Variants in PPP4R1 observed in about 807,000 individuals in gnomAD.
PPP4R1 encodes serine/threonine-protein phosphatase 4 regulatory subunit 1.
In PPP4R1, 42 loss-of-function variants were observed where a neutral mutation model predicts 111.2. The observed-to-expected ratio is 0.38, with a 90% CI of 0.29 to 0.49. The LOEUF is 0.49. Among genes scored for constraint, PPP4R1 ranks in the 20% least tolerant of loss-of-function variants. The pLI, the probability that PPP4R1 is intolerant of heterozygous loss-of-function variation, is 0.97. For missense variants in PPP4R1, 1,012 were observed against 1,161.6 expected (o/e 0.87, Z 1.87); for synonymous variants, 409 against 405.5 (o/e 1.01, Z -0.10).
Position 9,547,598 on chromosome 18 carries a change from A to G in PPP4R1, c.*191T>C, listed in dbSNP as rs958345218. The G allele has an allele frequency of 5.3e-6, 3 of 564,128 alleles. No homozygotes were observed. Among genetic ancestry groups the G allele is most frequent in the African/African-American group, 3.7e-5 (2 of 53,916 alleles). The allele number at this position is 564,128 out of a possible 1,614,324, so 34.9% of individuals were successfully genotyped here. A position where few individuals can be genotyped will look rare whatever the true frequency, so the allele number is the denominator to read the frequency against. ...CCCCTTAAAGTCAAGATAAGATAAT[A>G]GTGTTTACTGTACTTTCTCTTGACT... On this transcript the variant is annotated 3_prime_UTR_variant, in exon 20 of 20. Transcript: ENST00000400556.
intron 11 of PPP4R1, among the ~76,000 whole-genome samples, chr18:9,566,689 ACACG>A (rs1170540067): frequency 1.4e-5 from 2 of 139,276 alleles, no homozygotes; most frequent in Non-Finnish European, 3.2e-5. Flanking sequence ...ACACACACAC[ACACG>A]TTAAAACCAA....
chr18:9,592,585 A>C (rs1239524651), intron 4 of PPP4R1, among the ~76,000 whole-genome samples: 1 of 152,094 alleles, frequency 6.6e-6, no homozygotes, highest in East Asian at 1.9e-4. Context: ...TTTGATGTAT[A>C]CTGAATGAAT....
chr18:9,584,807 T>C lies in PPP4R1; in HGVS notation c.607A>G (p.Met203Val), dbSNP rs367902504. The C allele has an allele frequency of 1.8e-4, 292 of 1,612,448 alleles. No homozygotes were observed. Among genetic ancestry groups the C allele is most frequent in the Non-Finnish European group, 2.3e-4 (266 of 1,179,076 alleles). The change falls in exon 7 of 20, where the codon ATG becomes GTG. Residue 203 changes from methionine (M) to valine (V), a missense_variant. By Grantham distance (21) the Met-to-Val change is conservative (BLOSUM62 1). Coordinates refer to ENST00000400556, the MANE Select transcript of PPP4R1 (RefSeq NM_001042388.3). Reference sequence around the variant, plus strand: ...CGCTCTGTAATATCCTTCCCAACCATGGGAGCCATTTTGCACATTATCTAA... The same window carrying C: ...CGCTCTGTAATATCCTTCCCAACCACGGGAGCCATTTTGCACATTATCTAA... ...AVAIMCKMAPMVGKDITERLI... is the reference protein window; with the variant it reads ...AVAIMCKMAPVVGKDITERLI...
chr18:9,611,258 T>C (rs905344137), intron 2 of PPP4R1, among the ~76,000 whole-genome samples: 3 of 152,150 alleles, frequency 2.0e-5, no homozygotes, highest in Non-Finnish European at 4.4e-5. Context: ...AGGACTTGTT[T>C]ACAACTACTC....
Position 9,588,068 on chromosome 18 carries a change from G to GA in PPP4R1, c.585+20dup, listed in dbSNP as rs750739993. The GA allele has an allele frequency of 2.5e-6, 4 of 1,613,230 alleles. No individual in the cohort carries two copies. The South Asian group carries it at 3.3e-5, about 13-fold the overall frequency. ...TTATCAGCCACATTTTGCATAAGTG[G>GA]AAAAATGGCATTTGACTTACAGCCA... On this transcript the variant is annotated intron_variant, in intron 6 of 19. Transcript: ENST00000400556.
chr18:9,549,971 G>A, intron 18 of PPP4R1, 81 bp downstream of exon 18: 2 of 1,579,360 alleles, frequency 1.3e-6, no homozygotes, highest in Non-Finnish European at 1.7e-6. Context: ...AAGGAAGAGG[G>A]TGAGAGAGAG....
intron 2 of PPP4R1, among the ~76,000 whole-genome samples, chr18:9,609,784 T>C (rs564614630): frequency 6.6e-6 from 1 of 152,336 alleles, no homozygotes; most frequent in African/African-American, 2.4e-5. Flanking sequence ...TTCAAAGAAA[T>C]TGCCTGTACA....
intron 4 of PPP4R1, among the ~76,000 whole-genome samples, chr18:9,591,683 G>A (rs1397760865): frequency 2.0e-5 from 3 of 152,058 alleles, no homozygotes; most frequent in Admixed American, 6.5e-5. Context: ...GAAACCTCAG[G>A]GTCAAATCCT....
intron 11 of PPP4R1, among the ~76,000 whole-genome samples, chr18:9,567,239 C>T (rs1179708054): frequency 6.6e-6 from 1 of 152,128 alleles, no homozygotes; most frequent in South Asian, 2.1e-4. Flanking sequence ...CTGAAGGATT[C>T]AAGACTTCAG....
chr18:9,553,410 C>T lies in PPP4R1; in HGVS notation c.2203G>A (p.Asp735Asn), dbSNP rs2066520100. Residue 735 changes from aspartate (D) to asparagine (N), a missense_variant, in exon 16 of 20, where the codon GAC becomes AAC. Physicochemically the swap from Asp to Asn is conservative, Grantham distance 23. Coordinates refer to ENST00000400556, the MANE Select transcript of PPP4R1 (RefSeq NM_001042388.3). Reference protein sequence around the residue: ...LHDFLKLLHIDKRREYLYQLQ... With the variant: ...LHDFLKLLHINKRREYLYQLQ... ...TGATAAAGATATTCTCTTCTTTTGT[C>T]AATATGAAGAAGCTAAAGTAACAAA... 7 of 1,570,790 alleles carry T rather than the reference C, an allele frequency of 4.5e-6. No homozygotes were observed. The highest frequency in any genetic ancestry group is 5.2e-6 in the Non-Finnish European group (6 of 1,142,960).
chr18:9,602,090 CACA>C (rs2067392811), intron 2 of PPP4R1, among the ~76,000 whole-genome samples: 1 of 152,088 alleles, frequency 6.6e-6, no homozygotes, highest in Admixed American at 6.6e-5. Flanking sequence ...TATGTAACAG[CACA>C]AAACAACTGT....
Position 9,547,612 on chromosome 18 carries a change from T to G in PPP4R1, c.*177A>C. The G allele has an allele frequency of 1.6e-6, 1 of 639,334 alleles. No individual in the cohort carries two copies. Among genetic ancestry groups the G allele is most frequent in the Non-Finnish European group, 2.7e-6 (1 of 372,338 alleles). 39.6% of individuals were successfully genotyped at this position (639,334 alleles called of 1,614,324 possible). On this transcript the variant is annotated 3_prime_UTR_variant, in exon 20 of 20. Coordinates refer to ENST00000400556, the MANE Select transcript of PPP4R1 (RefSeq NM_001042388.3). The stretch of plus-strand genomic sequence containing the variant: ...GATAAGATAATAGTGTTTACTGTAC[T>G]TTCTCTTGACTCTTGAAATCCCTGG...
At position 9,578,476 on chromosome 18, in the gene PPP4R1, C is replaced by T. The variant is rs564727667; in HGVS notation, c.919-1285G>A. Among the ~76,000 whole-genome samples, 3 of 151,680 alleles carry T rather than the reference C, an allele frequency of 2.0e-5. No homozygotes were observed. In the South Asian group the frequency reaches 6.2e-4, roughly 32 times the overall value. ...CTGGTCTTGAACTCCTAGCCTCAAG[C>T]AATCCTCCCACCTCCTCCTCCCAAA... On this transcript the variant is annotated intron_variant, in intron 9 of 19. Transcript: ENST00000400556.
chr18:9,602,572 T>G (rs1568126743), intron 2 of PPP4R1, among the ~76,000 whole-genome samples: 1 of 140,688 alleles, frequency 7.1e-6, no homozygotes, highest in African/African-American at 2.7e-5. Flanking sequence ...CTTGCACCTT[T>G]CCTTTAGCCA....
At chr18:9,596,305 G>A (rs1367292654) in intron 2 of PPP4R1, among the ~76,000 whole-genome samples, 1 of 152,146 alleles carries the variant, frequency 6.6e-6, no homozygotes. Context: ...GTAAATCAGG[G>A]CCTTTCCCAA....
intron 2 of PPP4R1, among the ~76,000 whole-genome samples, chr18:9,608,900 C>G (rs1246814536): frequency 6.6e-6 from 1 of 152,176 alleles, no homozygotes; most frequent in Non-Finnish European, 1.5e-5. Flanking sequence ...GACTTCTGAA[C>G]TTTACCTCCT....
chr18:9,566,565 C>T (rs1473717098), intron 11 of PPP4R1, among the ~76,000 whole-genome samples: 1 of 151,872 alleles, frequency 6.6e-6, no homozygotes, highest in East Asian at 2.0e-4. Context: ...GCAGGAGAAT[C>T]GCTTGAACTT....
rs149109670 is a variant in PPP4R1 at position 9,609,461 on chromosome 18, C to T, written c.52+4765G>A. ...AGGCCTGAAGATTCTGCACAGAGTG[C>T]GGTCTAGGCGGTTACCCTCAGTTAG... On this transcript the variant is annotated intron_variant, in intron 2 of 19. Transcript: ENST00000400556. Among the ~76,000 whole-genome samples the T allele has an allele frequency of 1.9e-3, 289 of 152,304 alleles. 5 individuals carry two copies. The highest frequency in any genetic ancestry group is 6.6e-3 in the African/African-American group (275 of 41,556).
At chr18:9,561,014 T>G (rs1279501518) in intron 13 of PPP4R1, among the ~76,000 whole-genome samples, 2 of 151,848 alleles carry the variant, frequency 1.3e-5, no homozygotes, top group African/African-American at 4.8e-5. Context: ...GGTCAGGAGT[T>G]CATGACCAGC....
Sources: gnomAD v4.1 joint callset for allele counts (sites outside exome capture counted in the v4.1 genomes callset) on GRCh38, gnomAD v4.1.1 for gene constraint, MANE v1.5 for transcripts, NCBI Gene and HGNC (gene_info 2026-07-23, HGNC 2026-07-21) for gene names.